Variants in OR56A3 observed in about 807,000 individuals in gnomAD.
OR56A3 encodes the protein olfactory receptor 56A3.
OR56A3 carries 23 observed loss-of-function variants against 17.5 expected under a neutral mutation model. The ratio of observed to expected loss-of-function variants is 1.32; its 90% CI spans 0.95 to 1.87. The LOEUF (loss-of-function observed/expected upper bound fraction) is 1.87. Among genes scored for constraint, OR56A3 ranks in the 40% most tolerant of loss-of-function variants. The pLI is 0.00. For missense variants in OR56A3, 366 were observed against 380.1 expected, an observed-to-expected ratio of 0.96 and a Z score of 0.31; for synonymous variants, 175 against 150.6, an observed-to-expected ratio of 1.16 and a Z score of -1.19.
chr11:5,966,783 G>T, the OR56A3 span, among the ~76,000 whole-genome samples: 11 of 152,082 alleles, frequency 7.2e-5, no homozygotes, highest in Admixed American at 6.6e-4. Flanking sequence ...ATAGGAAAGA[G>T]TAGGAATAAG....
At chr11:5,979,022 T>G in the OR56A3 span, among the ~76,000 whole-genome samples, 1 of 152,196 alleles carries the variant, frequency 6.6e-6, no homozygotes, top group Non-Finnish European at 1.5e-5. Context: ...CATTTATTGA[T>G]TTGCATATGT....
chr11:5,967,644 T>C, the OR56A3 span: 1 of 1,613,912 alleles, frequency 6.2e-7, no homozygotes, highest in Non-Finnish European at 8.5e-7. Flanking sequence ...GGGAATAAGG[T>C]GGTGCAGGAT....
At chr11:6,008,695 C>T in the OR56A3 span, among the ~76,000 whole-genome samples, 53 of 151,964 alleles carry the variant, frequency 3.5e-4, no homozygotes, top group African/African-American at 1.2e-3. Flanking sequence ...TTTATTTTTT[C>T]ATTTAACAAA....
chr11:5,983,823 G>T, the OR56A3 span, among the ~76,000 whole-genome samples: 1 of 152,174 alleles, frequency 6.6e-6, no homozygotes, highest in African/African-American at 2.4e-5. Context: ...AACATGTTCT[G>T]ATCTGTTTCA....
chr11:5,994,238 C>A, the OR56A3 span: 2 of 552,294 alleles, frequency 3.6e-6, no homozygotes, highest in South Asian at 3.2e-5. Context: ...CTCATCCAGT[C>A]CAGGTCTATC....
chr11:5,956,782 C>A, the OR56A3 span, among the ~76,000 whole-genome samples: 1 of 152,136 alleles, frequency 6.6e-6, no homozygotes, highest in Non-Finnish European at 1.5e-5. Flanking sequence ...AAATATTGTA[C>A]CTGCACAAAC....
At position 5,947,966 on chromosome 11, in the gene OR56A3, G is replaced by T; in HGVS notation, c.620G>T (p.Gly207Val). ...TINHLYQFAG[G>V]WTLLGSDLIL... Reference sequence around the variant, plus strand: ...AATCACCTTTACCAATTTGCTGGAGGCTGGACTCTGCTAGGATCTGACCTC... The same window carrying T: ...AATCACCTTTACCAATTTGCTGGAGTCTGGACTCTGCTAGGATCTGACCTC... The change falls in exon 3 of 3, where the codon GGC (glycine) becomes GTC (valine). Residue 207 changes from glycine to valine, a missense_variant. Physicochemically the swap from Gly to Val is moderately radical, Grantham distance 109 (BLOSUM62 -3). Transcript: ENST00000641160. 1.2e-6 allele frequency: 2 copies of T among 1,614,178 alleles called. No homozygotes were observed. The highest frequency in any genetic ancestry group is 1.7e-6 in the Non-Finnish European group (2 of 1,180,034).
chr11:5,990,782 A>G, the OR56A3 span, among the ~76,000 whole-genome samples: 2 of 152,348 alleles, frequency 1.3e-5, no homozygotes, highest in African/African-American at 4.8e-5. Context: ...GGCACAGGGC[A>G]CTGTCCTTCT....
At chr11:6,015,842 C>A in the OR56A3 span, among the ~76,000 whole-genome samples, 2 of 152,114 alleles carry the variant, frequency 1.3e-5, no homozygotes, top group African/African-American at 2.4e-5. Context: ...GGACTAGGCT[C>A]GTCTTAAATG....
At chr11:5,968,577 T>A in the OR56A3 span, 1 of 1,043,554 alleles carries the variant, frequency 9.6e-7, no homozygotes. Flanking sequence ...ACAAAGCTGT[T>A]AAAATATTTG....
At chr11:5,997,164 G>C in the OR56A3 span, among the ~76,000 whole-genome samples, 1 of 152,158 alleles carries the variant, frequency 6.6e-6, no homozygotes, top group Admixed American at 6.5e-5. Context: ...GTAGTGTACA[G>C]CTCACATTAA....
At chr11:6,009,191 C>T in the OR56A3 span, among the ~76,000 whole-genome samples, 2 of 152,098 alleles carry the variant, frequency 1.3e-5, no homozygotes, top group African/African-American at 2.4e-5. Context: ...GAGTATTTAC[C>T]AAGATCCCAT....
chr11:6,001,905 T>C, the OR56A3 span: 1 of 707,016 alleles, frequency 1.4e-6, no homozygotes, highest in Non-Finnish European at 2.2e-6. Flanking sequence ...ATGTGTTCAT[T>C]GTTGCCTGAG....
downstream of OR56A3, among the ~76,000 whole-genome samples, chr11:5,951,699 G>A (rs1459759513): frequency 6.6e-6 from 1 of 152,170 alleles, no homozygotes; most frequent in African/African-American, 2.4e-5. Context: ...GAGGATGGCA[G>A]TGGCCCTTCA....
the OR56A3 span, among the ~76,000 whole-genome samples, chr11:5,982,053 C>T: frequency 5.3e-5 from 8 of 152,140 alleles, no homozygotes; most frequent in Admixed American, 3.9e-4. Flanking sequence ...AGGTGTTCTC[C>T]GTCCCGTGGC....
downstream of OR56A3, among the ~76,000 whole-genome samples, chr11:5,955,623 G>A (rs537419310): frequency 2.6e-5 from 4 of 152,292 alleles, no homozygotes; most frequent in South Asian, 6.2e-4. Flanking sequence ...ACATTGGCAT[G>A]CTTCTGGGGG....
chr11:5,964,888 C>T, the OR56A3 span, among the ~76,000 whole-genome samples: 1 of 148,482 alleles, frequency 6.7e-6, no homozygotes, highest in South Asian at 2.2e-4. Context: ...TGCACTGTTC[C>T]CTGATGTTGG....
At chr11:6,012,790 C>T in the OR56A3 span, among the ~76,000 whole-genome samples, 1 of 152,236 alleles carries the variant, frequency 6.6e-6, no homozygotes, top group Non-Finnish European at 1.5e-5. Flanking sequence ...CACTGCCAAG[C>T]CACCCTCAGC....
the OR56A3 span, among the ~76,000 whole-genome samples, chr11:5,985,466 G>A: frequency 6.6e-6 from 1 of 152,208 alleles, no homozygotes; most frequent in Non-Finnish European, 1.5e-5. Context: ...CTTACACTGC[G>A]ACCTTCTCAG....
Sources: gnomAD v4.1 joint callset for allele counts (sites outside exome capture counted in the v4.1 genomes callset) on GRCh38, gnomAD v4.1.1 for gene constraint, MANE v1.5 for transcripts, NCBI Gene and HGNC (gene_info 2026-07-23, HGNC 2026-07-21) for gene names.